The following PLCZ1 variants were observed in gnomAD, a reference collection of about 807,000 sequenced individuals.
PLCZ1 encodes the protein 1-phosphatidylinositol 4,5-bisphosphate phosphodiesterase zeta-1.
PLCZ1 carries 64 observed loss-of-function variants against 76.8 expected under a neutral mutation model. The observed-to-expected ratio is 0.83, with a 90% CI of 0.68 to 1.03. The LOEUF (loss-of-function observed/expected upper bound fraction) is 1.03. Ranked by LOEUF, PLCZ1 falls within the 50% of genes least tolerant of loss-of-function variation. The probability of loss-of-function intolerance (pLI) is 0.00; values close to 1 mark genes in which losing one functional copy is unlikely to be tolerated. For synonymous variants in PLCZ1, 248 were observed against 230.8 expected (o/e 1.07, Z -0.68); for missense variants, 751 against 713.7 (o/e 1.05, Z -0.60).
chr12:18,650,704 G>GTGTGTA, the PLCZ1 span, among the ~76,000 whole-genome samples: 3 of 57,764 alleles, frequency 5.2e-5, no homozygotes, highest in Admixed American at 1.6e-4. Flanking sequence ...GTGTGTGTGT[G>GTGTGTA]TATATATCTA....
Position 18,712,828 on chromosome 12 carries a change from A to G in PLCZ1, c.714+14T>C. On this transcript the variant is annotated intron_variant, in intron 6 of 14. Coordinates refer to ENST00000266505, the MANE Select transcript of PLCZ1 (RefSeq NM_033123.4). The stretch of plus-strand genomic sequence containing the variant: ...TGTTTAAATAGCTACAGTTGAACAA[A>G]GATATGTACATACCATGAATGCATA... 1.2e-6 allele frequency: 2 copies of G among 1,612,734 alleles called. No homozygotes were observed. The highest frequency in any genetic ancestry group is 2.2e-5 in the South Asian group (2 of 91,062).
At chr12:18,700,538 A>AAAAAAAAAG (rs1370935394) in intron 9 of PLCZ1, among the ~76,000 whole-genome samples, 65 of 135,900 alleles carry the variant, frequency 4.8e-4, no homozygotes, top group Non-Finnish European at 7.2e-4. Context: ...AAAAAAAAAT[A>AAAAAAAAAG]GTTGCTCTGC....
chr12:18,652,193 A>T, the PLCZ1 span, among the ~76,000 whole-genome samples: 1 of 152,098 alleles, frequency 6.6e-6, no homozygotes, highest in African/African-American at 2.4e-5. Context: ...CTAAAGATGT[A>T]ATTATTTAAG....
downstream of PLCZ1, among the ~76,000 whole-genome samples, chr12:18,681,102 G>A (rs113440315): frequency 0.017 from 2,577 of 152,060 alleles, 40 homozygotes; most frequent in Middle Eastern, 0.051. Context: ...CTGTGTCCGG[G>A]TTGATGCTCT....
At chr12:18,681,126 T>G (rs576783725), downstream of PLCZ1, among the ~76,000 whole-genome samples, 1 of 152,156 alleles carries the variant, frequency 6.6e-6, no homozygotes, top group African/African-American at 2.4e-5. Flanking sequence ...AAACTGTTTA[T>G]TGTTCAACAA....
In PLCZ1 at chr12:18,688,163, G is replaced by A. The variant is rs1186165869; in HGVS notation, c.1517C>T (p.Ser506Leu). 2.5e-6 allele frequency: 4 copies of A among 1,610,938 alleles called. No homozygotes were observed. The highest frequency in any genetic ancestry group is 3.4e-6 in the Non-Finnish European group (4 of 1,178,608). Residue 506 changes from serine to leucine, a missense_variant, in exon 13 of 15, where the codon TCA becomes TTA. Physicochemically the swap from Ser to Leu is moderately radical, Grantham distance 145. Transcript: ENST00000266505. The part of the protein sequence containing the change: ...LTHSSSNKGD[S>L]LVIIEVFGVP... ...ACCAAAAACTTCTATAATTACTAATGAATCACCTTTGTTAGATGATGAATG... is the reference window on the plus strand; with the variant it reads ...ACCAAAAACTTCTATAATTACTAATAAATCACCTTTGTTAGATGATGAATG...
chr12:18,650,324 TC>T, the PLCZ1 span, among the ~76,000 whole-genome samples: 1 of 107,186 alleles, frequency 9.3e-6, no homozygotes, highest in Non-Finnish European at 1.8e-5. Context: ...TCTCTCTCTC[TC>T]TCTCTCTATA....
intron 5 of PLCZ1, among the ~76,000 whole-genome samples, chr12:18,716,787 T>C (rs2137488917): frequency 6.6e-6 from 1 of 152,366 alleles, no homozygotes; most frequent in Middle Eastern, 3.4e-3. Context: ...TTGTTGTAAC[T>C]TATTTAGATT....
chr12:18,701,449 A>T lies in PLCZ1; in HGVS notation c.1017+52T>A, dbSNP rs78761703. 3,962 of 1,608,798 alleles carry T rather than the reference A, an allele frequency of 2.5e-3. 114 individuals carry two copies. In the African/African-American group the frequency reaches 0.049, roughly 20 times the overall value. On this transcript the variant is annotated intron_variant, in intron 9 of 14. Transcript: ENST00000266505. ...ATTTTAAAAAAATCTCCAAGAATAA[A>T]ATTAGAAAACTTTCCAATCACTTGT...
chr12:18,671,975 C>G, the PLCZ1 span, among the ~76,000 whole-genome samples: 1 of 152,070 alleles, frequency 6.6e-6, no homozygotes, highest in Non-Finnish European at 1.5e-5. Flanking sequence ...TTTATCAGGA[C>G]ACAAATCCCA....
chr12:18,702,190 T>A (rs550438212), intron 7 of PLCZ1, among the ~76,000 whole-genome samples: 9 of 152,196 alleles, frequency 5.9e-5, no homozygotes, highest in Non-Finnish European at 1.0e-4. Context: ...TGAAATCAGG[T>A]ATATTAAAAT....
chr12:18,655,874 C>T, the PLCZ1 span, among the ~76,000 whole-genome samples: 2 of 152,220 alleles, frequency 1.3e-5, no homozygotes, highest in Admixed American at 1.3e-4. Flanking sequence ...ACTGTCACAG[C>T]CAAGAGGAGC....
chr12:18,681,253 A>G (rs187039946), downstream of PLCZ1, among the ~76,000 whole-genome samples: 423 of 152,168 alleles, frequency 2.8e-3, 3 homozygotes, highest in African/African-American at 9.4e-3. Flanking sequence ...AGCGTAAGTC[A>G]GGGAATATAA....
At chr12:18,668,277 T>G in the PLCZ1 span, among the ~76,000 whole-genome samples, 2 of 152,210 alleles carry the variant, frequency 1.3e-5, no homozygotes, top group Non-Finnish European at 2.9e-5. Flanking sequence ...CATTAAGTAT[T>G]TACATGAACC....
At chr12:18,699,636 A>G (rs567745452) in intron 10 of PLCZ1, among the ~76,000 whole-genome samples, 158 bp downstream of exon 10, 1 of 152,312 alleles carries the variant, frequency 6.6e-6, no homozygotes, top group East Asian at 1.9e-4. Flanking sequence ...ATAAAACTTA[A>G]TGAGACCTGA....
At chr12:18,675,488 C>T in the PLCZ1 span, among the ~76,000 whole-genome samples, 1 of 152,270 alleles carries the variant, frequency 6.6e-6, no homozygotes, top group African/African-American at 2.4e-5. Context: ...AAAAGCAGAA[C>T]AACCATTCAA....
chr12:18,649,666 T>G, the PLCZ1 span, among the ~76,000 whole-genome samples: 2 of 152,162 alleles, frequency 1.3e-5, no homozygotes, highest in Non-Finnish European at 2.9e-5. Context: ...TCCCACCATT[T>G]CAATGAAACT....
chr12:18,705,563 C>G (rs1168069125), intron 6 of PLCZ1, among the ~76,000 whole-genome samples: 1 of 152,022 alleles, frequency 6.6e-6, no homozygotes. Flanking sequence ...TCAGTGAGTA[C>G]TTATTTAAAT....
chr12:18,678,961 G>A (rs1242910790), downstream of PLCZ1, among the ~76,000 whole-genome samples: 1 of 152,034 alleles, frequency 6.6e-6, no homozygotes, highest in Non-Finnish European at 1.5e-5. Flanking sequence ...CCCACTAGCA[G>A]TGATTGAGTT....
Sources: allele counts gnomAD v4.1 joint callset (sites outside exome capture counted in the v4.1 genomes callset), GRCh38; gene constraint gnomAD v4.1.1; transcripts MANE v1.5; gene names NCBI Gene and HGNC (gene_info 2026-07-23, HGNC 2026-07-21).